The following PLD5 variants were observed in gnomAD, a reference collection of about 807,000 sequenced individuals.
PLD5 encodes the protein phospholipase D family member 5.
Under a neutral mutation model 61.1 loss-of-function variants are expected in PLD5, and 36 were observed. The observed-to-expected ratio is 0.59, with a 90% confidence interval of 0.45 to 0.78. The LOEUF is 0.78. PLD5 is among the 30% of genes least tolerant of loss of function. The probability of loss-of-function intolerance (pLI) is 0.00; values close to 1 mark genes in which losing one functional copy is unlikely to be tolerated. For synonymous variants in PLD5, 243 were observed against 242.8 expected, an observed-to-expected ratio of 1.00 and a Z score of -0.01; for missense variants, 515 against 644.4, an observed-to-expected ratio of 0.80 and a Z score of 2.17.
At chr1:242,126,053 C>T (rs763324867) in intron 5 of PLD5, among the ~76,000 whole-genome samples, 20 of 152,134 alleles carry the variant, frequency 1.3e-4, no homozygotes, top group Non-Finnish European at 2.2e-4. Flanking sequence ...GGACTATTAG[C>T]GGTTAAGTGA....
chr1:242,367,624 C>T (rs1011935967), intron 1 of PLD5, among the ~76,000 whole-genome samples: 3 of 152,138 alleles, frequency 2.0e-5, no homozygotes, highest in African/African-American at 7.2e-5. Context: ...TATGCACAAC[C>T]CTCATCCAGA....
chr1:242,470,345 GAAAA>G (rs1023904685), intron 1 of PLD5, among the ~76,000 whole-genome samples: 10 of 114,166 alleles, frequency 8.8e-5, no homozygotes, highest in Non-Finnish European at 1.3e-4. Flanking sequence ...CGGTCTCAAA[GAAAA>G]AAAAAAAAGA....
chr1:242,398,503 T>A (rs1349571072), intron 1 of PLD5, among the ~76,000 whole-genome samples: 2 of 152,220 alleles, frequency 1.3e-5, no homozygotes, highest in South Asian at 2.1e-4. Context: ...ACCTCCAGCA[T>A]AGGCTGACGT....
At position 242,292,248 on chromosome 1, in the gene PLD5, T is replaced by TA. The variant is rs1444461660; in HGVS notation, c.327-3719dup. Among the ~76,000 whole-genome samples the TA allele has an allele frequency of 4.6e-5, 7 of 152,134 alleles. No homozygotes were observed. In the South Asian group the frequency reaches 8.3e-4, roughly 18 times the overall value. On this transcript the variant is annotated intron_variant, in intron 2 of 9. Transcript: ENST00000536534. Reference sequence around the variant, plus strand: ...CTCCCCTACAACCGATGGATATATTTAAAAAAACAATCCAATAAACAAACA... The same window carrying TA: ...CTCCCCTACAACCGATGGATATATTTAAAAAAAACAATCCAATAAACAAACA...
At chr1:242,271,776 G>A (rs2149113277) in intron 3 of PLD5, among the ~76,000 whole-genome samples, 1 of 152,140 alleles carries the variant, frequency 6.6e-6, no homozygotes, top group Non-Finnish European at 1.5e-5. Context: ...AAGATGAGGG[G>A]AGAAGAAATA....
chr1:242,130,073 A>T (rs1251484760), intron 5 of PLD5, among the ~76,000 whole-genome samples: 13 of 143,068 alleles, frequency 9.1e-5, no homozygotes, highest in Non-Finnish European at 1.5e-4. Context: ...TTTTTTTGAG[A>T]TGGAGTCTCA....
At chr1:242,452,814 C>G (rs1303686682) in intron 1 of PLD5, among the ~76,000 whole-genome samples, 1 of 152,058 alleles carries the variant, frequency 6.6e-6, no homozygotes, top group Non-Finnish European at 1.5e-5. Context: ...AGACCCTGCC[C>G]CCCACCCCTG....
chr1:242,217,708 AT>A (rs890711895), intron 5 of PLD5, among the ~76,000 whole-genome samples: 2 of 152,216 alleles, frequency 1.3e-5, no homozygotes, highest in African/African-American at 4.8e-5. Context: ...TCTAACCCTC[AT>A]GGATGACTCT....
Position 242,429,461 on chromosome 1 carries a change from G to A in PLD5, c.190-81219C>T, listed in dbSNP as rs1183266553. 1.2e-4 allele frequency among the ~76,000 whole-genome samples: 19 copies of A among 152,112 alleles called. 1 individual carries two copies. The highest frequency in any genetic ancestry group is 1.2e-3 in the Admixed American group (19 of 15,262). ...AAGGTCCTGCCATGTTGCAAAGGCT[G>A]GTCTCGAACTCCAGGCCTTAAGTGA... On this transcript the variant is annotated intron_variant, in intron 1 of 9. Transcript: ENST00000536534.
chr1:242,100,659 G>A lies in PLD5; in HGVS notation c.1354+9C>T, dbSNP rs747764735. ...CCCACCCAAGGAGCTTCACAGCCCT[G>A]ACACCTACCAATATAAGCTGCTCCA... On this transcript the variant is annotated intron_variant, in intron 9 of 9. Coordinates refer to ENST00000536534, the MANE Select transcript of PLD5 (RefSeq NM_001372062.1). 2 of 1,607,966 alleles carry A rather than the reference G, an allele frequency of 1.2e-6. No individual in the cohort carries two copies. The highest frequency in any genetic ancestry group is 1.7e-6 in the Non-Finnish European group (2 of 1,174,536).
chr1:242,476,106 G>A (rs1340315981), intron 1 of PLD5, among the ~76,000 whole-genome samples: 1 of 152,226 alleles, frequency 6.6e-6, no homozygotes, highest in Non-Finnish European at 1.5e-5. Context: ...TGTAATCCCA[G>A]TACTTTGGGA....
chr1:242,511,996 A>T (rs1464024507), intron 1 of PLD5, among the ~76,000 whole-genome samples: 1 of 152,188 alleles, frequency 6.6e-6, no homozygotes, highest in East Asian at 1.9e-4. Context: ...TGCACATGTC[A>T]CGGACATATC....
intron 1 of PLD5, among the ~76,000 whole-genome samples, chr1:242,507,736 C>A (rs76389056): frequency 1.7e-3 from 261 of 152,242 alleles, no homozygotes; most frequent in African/African-American, 5.9e-3. Context: ...CTGTTCATAT[C>A]GGGAAGGAAA....
At chr1:242,337,822 T>G (rs4123226) in intron 2 of PLD5, among the ~76,000 whole-genome samples, 129,961 of 152,114 alleles carry the variant, frequency 0.85, 56,479 homozygotes, top group Non-Finnish European at 0.94. Context: ...AGGAAACCTA[T>G]CCTAGGTCAT....
intron 1 of PLD5, among the ~76,000 whole-genome samples, chr1:242,361,366 G>T (rs1345650729): frequency 6.6e-6 from 1 of 152,106 alleles, no homozygotes; most frequent in Non-Finnish European, 1.5e-5. Flanking sequence ...AAAAGTGAAA[G>T]CTTACGTTCA....
At chr1:242,332,939 G>C (rs1444407319) in intron 2 of PLD5, among the ~76,000 whole-genome samples, 1 of 152,296 alleles carries the variant, frequency 6.6e-6, no homozygotes, top group African/African-American at 2.4e-5. Flanking sequence ...ACCTCACAGG[G>C]AACAAGGTGA....
chr1:242,525,187 G>A (rs1209767572), upstream of PLD5, among the ~76,000 whole-genome samples: 2 of 152,202 alleles, frequency 1.3e-5, no homozygotes, highest in Non-Finnish European at 2.9e-5. Context: ...GTGTTTTCTG[G>A]AGCCGTACAC....
chr1:242,528,930 T>C (rs186040600), upstream of PLD5, among the ~76,000 whole-genome samples: 17 of 152,336 alleles, frequency 1.1e-4, no homozygotes, highest in African/African-American at 3.6e-4. Flanking sequence ...TACTGAAGAA[T>C]AAAACATGTT....
intron 1 of PLD5, among the ~76,000 whole-genome samples, chr1:242,467,770 C>T (rs532996038): frequency 2.0e-5 from 3 of 152,140 alleles, no homozygotes; most frequent in African/African-American, 4.8e-5. Context: ...TACTACTGAA[C>T]GATGGTTCCC....
Sources: allele counts gnomAD v4.1 joint callset (sites outside exome capture counted in the v4.1 genomes callset), GRCh38; gene constraint gnomAD v4.1.1; transcripts MANE v1.5; gene names NCBI Gene and HGNC (gene_info 2026-07-23, HGNC 2026-07-21).